Variants in TENM3 observed in about 807,000 individuals in gnomAD.
TENM3 encodes the protein teneurin-3.
TENM3 carries 63 observed loss-of-function variants against 255.1 expected under a neutral mutation model. That is an observed-to-expected ratio of 0.25 (90% confidence interval 0.20 to 0.30). TENM3 has a LOEUF of 0.30. Ranked by LOEUF, TENM3 falls within the 10% of genes least tolerant of loss-of-function variation. TENM3 has a pLI of 1.00. For missense variants in TENM3, 2,929 were observed against 3,461.1 expected (o/e 0.85, Z 3.86); for synonymous variants, 1,306 against 1,322.3 (o/e 0.99, Z 0.27).
At chr4:181,635,586 G>A in the TENM3 span, among the ~76,000 whole-genome samples, 1 of 152,206 alleles carries the variant, frequency 6.6e-6, no homozygotes, top group Admixed American at 6.5e-5. Flanking sequence ...TAAGACAGTG[G>A]TTGTCAAGCT....
chr4:182,419,828 C>A (rs919338731), intron 3 of TENM3, among the ~76,000 whole-genome samples: 3 of 143,442 alleles, frequency 2.1e-5, no homozygotes, highest in African/African-American at 7.8e-5. Flanking sequence ...AATGAGAACA[C>A]TTGGACACGG....
At chr4:181,605,174 G>A in the TENM3 span, among the ~76,000 whole-genome samples, 2 of 151,778 alleles carry the variant, frequency 1.3e-5, no homozygotes, top group East Asian at 3.9e-4. Flanking sequence ...CAGCCGGCGT[G>A]GTGGCTCACG....
chr4:181,545,991 T>C, the TENM3 span, among the ~76,000 whole-genome samples: 3 of 152,238 alleles, frequency 2.0e-5, no homozygotes, highest in Non-Finnish European at 2.9e-5. Flanking sequence ...GGGATAGTTC[T>C]CTTCACCATG....
chr4:182,723,203 G>A (rs893177626), intron 13 of TENM3, among the ~76,000 whole-genome samples: 1 of 152,154 alleles, frequency 6.6e-6, no homozygotes, highest in Non-Finnish European at 1.5e-5. Flanking sequence ...GCCACCAGGA[G>A]AGCACTGATG....
chr4:182,237,182 C>T (rs763146324), intron 1 of TENM3, among the ~76,000 whole-genome samples: 5 of 152,114 alleles, frequency 3.3e-5, no homozygotes, highest in African/African-American at 7.2e-5. Context: ...GACATGATCT[C>T]GTTCCTTTTT....
At chr4:181,649,892 G>T in the TENM3 span, among the ~76,000 whole-genome samples, 1 of 152,180 alleles carries the variant, frequency 6.6e-6, no homozygotes, top group Non-Finnish European at 1.5e-5. Context: ...ATCAGGAGTG[G>T]ATTGTGGGTC....
At chr4:182,790,155 A>G (rs1765985856) in intron 25 of TENM3, among the ~76,000 whole-genome samples, 1 of 152,068 alleles carries the variant, frequency 6.6e-6, no homozygotes, top group East Asian at 1.9e-4. Context: ...TATTCATGGA[A>G]TGTTTCATTT....
intron 3 of TENM3, among the ~76,000 whole-genome samples, chr4:182,590,654 T>A (rs1221744105): frequency 6.8e-6 from 1 of 147,808 alleles, no homozygotes; most frequent in Non-Finnish European, 1.5e-5. Context: ...GATGAAGAGA[T>A]CAAGACCATC....
the TENM3 span, among the ~76,000 whole-genome samples, chr4:181,620,747 GA>G: frequency 1.3e-5 from 2 of 151,696 alleles, no homozygotes; most frequent in Non-Finnish European, 2.9e-5. Context: ...TTGTTAAGTA[GA>G]AAAAAATGAC....
chr4:182,732,326 C>T (rs1303240176), intron 16 of TENM3, among the ~76,000 whole-genome samples: 1 of 152,142 alleles, frequency 6.6e-6, no homozygotes, highest in Non-Finnish European at 1.5e-5. Context: ...GCCTCAATAA[C>T]TTACTGTTTA....
At chr4:182,213,626 C>A (rs1037874584) in intron 1 of TENM3, among the ~76,000 whole-genome samples, 1 of 152,102 alleles carries the variant, frequency 6.6e-6, no homozygotes, top group African/African-American at 2.4e-5. Flanking sequence ...ACAGTACGAT[C>A]CATATGAAGA....
chr4:182,743,027 C>A, intron 18 of TENM3, 143 bp from the exon 19 acceptor site: 1 of 856,508 alleles, frequency 1.2e-6, no homozygotes. Flanking sequence ...GAATACAATT[C>A]ATTCCAATGG....
intron 3 of TENM3, among the ~76,000 whole-genome samples, chr4:182,552,789 T>C (rs188417609): frequency 1.2e-3 from 187 of 152,324 alleles, no homozygotes; most frequent in Non-Finnish European, 1.9e-3. Flanking sequence ...AGGAGTTATT[T>C]TAATATGAGT....
chr4:182,146,320 T>C (rs1003848172), intron 1 of TENM3, among the ~76,000 whole-genome samples: 1 of 152,228 alleles, frequency 6.6e-6, no homozygotes, highest in Non-Finnish European at 1.5e-5. Context: ...TTTGTAATTC[T>C]AAATGCAGAG....
chr4:182,206,103 T>C (rs1464567002), intron 1 of TENM3, among the ~76,000 whole-genome samples: 1 of 151,834 alleles, frequency 6.6e-6, no homozygotes, highest in Non-Finnish European at 1.5e-5. Context: ...AATAGGATGA[T>C]TGCTTGAGTT....
intron 1 of TENM3, among the ~76,000 whole-genome samples, chr4:182,305,174 A>G (rs1251173263): frequency 6.6e-6 from 1 of 152,054 alleles, no homozygotes; most frequent in African/African-American, 2.4e-5. Flanking sequence ...TTGCTCTGGA[A>G]GTATAGAAGA....
the TENM3 span, among the ~76,000 whole-genome samples, chr4:181,814,624 C>T: frequency 1.2e-3 from 189 of 151,238 alleles, 5 homozygotes; most frequent in Non-Finnish European, 4.0e-4. Context: ...GCAACAATTA[C>T]AAAAATCCAT....
At chr4:181,467,093 G>A in the TENM3 span, among the ~76,000 whole-genome samples, 1,026 of 65,904 alleles carry the variant, frequency 0.016, 38 homozygotes, top group African/African-American at 0.066. Context: ...GCGTGTGTGT[G>A]TGTGTGTGTG....
At chr4:182,066,597 A>ATATATATATATATATATATATAT in the TENM3 span, among the ~76,000 whole-genome samples, 4 of 24,410 alleles carry the variant, frequency 1.6e-4, no homozygotes, top group African/African-American at 2.6e-4. Context: ...TGGTAAAAAA[A>ATATATATATATATATATATATAT]AAATATATAT....
Sources: allele counts gnomAD v4.1 joint callset (sites outside exome capture counted in the v4.1 genomes callset), GRCh38; gene constraint gnomAD v4.1.1; transcripts MANE v1.5; gene names NCBI Gene and HGNC (gene_info 2026-07-23, HGNC 2026-07-21).